GIT2: variants seen among roughly 807,000 people sequenced by gnomAD.
The protein encoded by GIT2 is GIT ArfGAP 2.
A neutral mutation model predicts 100.3 loss-of-function variants in GIT2; 32 were observed. That is an observed-to-expected ratio of 0.32 (90% CI 0.24 to 0.43). The LOEUF is 0.43. Among genes scored for constraint, GIT2 ranks in the 20% least tolerant of loss-of-function variants. GIT2 has a pLI of 1.00. For synonymous variants in GIT2, 353 were observed against 364.1 expected (o/e 0.97, Z 0.35); for missense variants, 737 against 975.1 (o/e 0.76, Z 3.25).
intron 13 of GIT2, 81 bp from the exon 14 acceptor site, chr12:109,951,397 G>A: frequency 8.4e-7 from 1 of 1,192,970 alleles, no homozygotes; most frequent in East Asian, 2.4e-5. Flanking sequence ...TTCAAATTCT[G>A]ACCAAGCCAG....
intron 7 of GIT2, 168 bp downstream of exon 7, chr12:109,980,784 T>C: frequency 1.6e-6 from 1 of 619,910 alleles, no homozygotes; most frequent in Non-Finnish European, 2.9e-6. Context: ...TTATATCTTT[T>C]ACATGTAACT....
Position 109,948,411 on chromosome 12 carries a change from G to A in GIT2, c.1393-907C>T. ...CCCATTTTAGAGACTGTCACTTGGA[G>A]GCCCTGAATGCTCCTTCCATTCCTC... On this transcript the variant is annotated intron_variant, in intron 14 of 19. Transcript: ENST00000355312. This position sits in a 1 kb window ranked among gnomAD's most constrained non-coding sequence, Gnocchi z 4.3. 1.0e-6 allele frequency: 1 copy of A among 1,002,988 alleles called. No homozygotes were observed. Among genetic ancestry groups the A allele is most frequent in the Non-Finnish European group, 1.2e-6 (1 of 841,840 alleles). The allele number at this position is 1,002,988 out of a possible 1,614,324, so 62.1% of individuals were successfully genotyped here.
chr12:109,947,928 G>A lies in GIT2; in HGVS notation c.1393-424C>T, dbSNP rs1737231530. On this transcript the variant is annotated intron_variant, in intron 14 of 19. Coordinates refer to ENST00000355312, the MANE Select transcript of GIT2 (RefSeq NM_057169.5). The surrounding 1 kb of genome is among the most constrained non-coding windows in gnomAD (Gnocchi z 4.3). ...AAATGAGCCCTGAGCAATTTGTAAA[G>A]GCCAAAAATGACAGCAGACACCATG... 5.8e-6 allele frequency: 1 copy of A among 171,778 alleles called. No homozygotes were observed. The highest frequency in any genetic ancestry group is 2.4e-5 in the African/African-American group (1 of 41,750). The allele number at this position is 171,778 out of a possible 1,614,324, so 10.6% of individuals were successfully genotyped here. A position where few individuals can be genotyped will look rare whatever the true frequency, so the allele number is the denominator to read the frequency against.
rs1335719856 is a variant in GIT2 at position 109,989,793 on chromosome 12, T to A, written c.196A>T (p.Thr66Ser). 3.2e-6 allele frequency: 5 copies of A among 1,566,724 alleles called. No individual in the cohort carries two copies. Among genetic ancestry groups the A allele is most frequent in the Non-Finnish European group, 3.5e-6 (4 of 1,137,366 alleles). The change falls in exon 3 of 20, where the codon ACC becomes TCC. Residue 66 changes from threonine to serine, a missense_variant. By Grantham distance (58) the Thr-to-Ser change is moderately conservative (BLOSUM62 1). Around this residue, in one of 3 missense-constraint regions of GIT2, gnomAD observed 266 missense variants for 376.2 expected, o/e 0.71. Transcript: ENST00000355312. ...GAGTTAGCACCGTTATTATACAAGG[T>A]CTCAACCATCTAAAACCAAGCAGGA... ...WPPTLLQMVETLYNNGANSIW... is the reference protein window; with the variant it reads ...WPPTLLQMVESLYNNGANSIW...
rs9804905 is a variant in GIT2 at position 109,959,933 on chromosome 12, T to C, written c.1013A>G (p.Asn338Ser). ...GACCAGCGTGGCAAACTCATGGGCG[T>C]TGAACCGAGCTAACTTCTGTCTGCC... is the stretch of plus-strand genomic sequence containing the variant. ...NQGRQKLARF[N>S]AHEFATLVID... Residue 338 changes from asparagine (N) to serine (S), a missense_variant, in exon 12 of 20, where the codon AAC (asparagine) becomes AGC (serine). Asn to Ser is a conservative substitution (Grantham distance 46). Transcript: ENST00000355312. 6.1e-4 allele frequency: 984 copies of C among 1,613,430 alleles called. 1 individual carries two copies. The highest frequency in any genetic ancestry group is 3.9e-3 in the African/African-American group (289 of 74,982).
Position 109,933,371 on chromosome 12 carries a change from C to T in GIT2, c.2068-181G>A. On this transcript the variant is annotated intron_variant, in intron 19 of 19. Coordinates refer to ENST00000355312, the MANE Select transcript of GIT2 (RefSeq NM_057169.5). This position sits in a 1 kb window ranked among gnomAD's most constrained non-coding sequence, Gnocchi z 4.5. ...TTTGCAGCCCACAGCGTAAGAGATG[C>T]TGAAATATTCTGATTCAAAGGTCAA... 1 of 533,998 alleles carries T rather than the reference C, an allele frequency of 1.9e-6. No individual in the cohort carries two copies. Among genetic ancestry groups the T allele is most frequent in the Non-Finnish European group, 3.3e-6 (1 of 300,630 alleles). The allele number at this position is 533,998 out of a possible 1,614,324, so 33.1% of individuals were successfully genotyped here.
chr12:109,973,854 C>A (rs1460622597), intron 7 of GIT2, among the ~76,000 whole-genome samples: 1 of 151,884 alleles, frequency 6.6e-6, no homozygotes, highest in African/African-American at 2.4e-5. Flanking sequence ...CCAGCCTGGC[C>A]AACATGGTAA....
At chr12:109,991,156 A>C (rs1888285670) in intron 2 of GIT2, among the ~76,000 whole-genome samples, 1 of 152,118 alleles carries the variant, frequency 6.6e-6, no homozygotes, top group African/African-American at 2.4e-5. Context: ...CTAAAAATAC[A>C]AAAATTAGCC....
intron 8 of GIT2, 147 bp downstream of exon 8, chr12:109,967,311 T>C: frequency 6.3e-7 from 1 of 1,595,832 alleles, no homozygotes. Context: ...GTGGTTTACT[T>C]ACAGCCGTCT....
intron 7 of GIT2, among the ~76,000 whole-genome samples, chr12:109,974,772 C>T (rs1884683863): frequency 6.6e-6 from 1 of 152,158 alleles, no homozygotes; most frequent in Admixed American, 6.6e-5. Flanking sequence ...TAAACATCAA[C>T]TAGATCTAGT....
Position 109,933,182 on chromosome 12 carries a change from C to G in GIT2, c.2076G>C (p.Lys692Asn). The part of the protein sequence containing the change: ...EMAALFPKKP[K>N]SDMVRTSLRL... ...GAAGGGAAGTCCTCACCATATCAGA[C>G]TTGGGTTTCTAAAAGGAAAAAGACA... Residue 692 changes from lysine to asparagine, a missense_variant, in exon 20 of 20, where the codon AAG (lysine) becomes AAC (asparagine). By Grantham distance (94) the Lys-to-Asn change is moderately conservative (BLOSUM62 0). This residue lies in a region of GIT2 where 451 missense variants were observed against 543.7 expected (regional missense o/e 0.83). Coordinates refer to ENST00000355312, the MANE Select transcript of GIT2 (RefSeq NM_057169.5). This position sits in a 1 kb window ranked among gnomAD's most constrained non-coding sequence, Gnocchi z 4.5. 1 of 1,549,306 alleles carries G rather than the reference C, an allele frequency of 6.5e-7. No homozygotes were observed. Among genetic ancestry groups the G allele is most frequent in the Non-Finnish European group, 8.8e-7 (1 of 1,142,172 alleles).
At chr12:109,961,843 G>A (rs1428841356) in intron 9 of GIT2, among the ~76,000 whole-genome samples, 158 bp from the exon 10 acceptor site, 2 of 152,142 alleles carry the variant, frequency 1.3e-5, no homozygotes, top group African/African-American at 2.4e-5. Context: ...TTTCAAAATC[G>A]TACAGGGCCT....
intron 14 of GIT2, 87 bp downstream of exon 14, chr12:109,951,080 T>A: frequency 8.6e-7 from 1 of 1,158,410 alleles, no homozygotes; most frequent in Non-Finnish European, 1.3e-6. Flanking sequence ...TGTTTTTCTT[T>A]CCTCGGACCA....
At chr12:109,938,647 C>T in intron 17 of GIT2, 79 bp from the exon 18 acceptor site, 1 of 1,005,280 alleles carries the variant, frequency 9.9e-7, no homozygotes. Context: ...ACTTTGTATG[C>T]ACTGGCTAAA....
Position 109,981,037 on chromosome 12 carries a change from C to A in GIT2, c.633G>T (p.Gly211=). Reference sequence around the variant, plus strand: ...CGAGGCGCTCTGCCAGCTCATGGTGCCCTCCTTGCCTACCAAGAGAAAACA... The same window carrying A: ...CGAGGCGCTCTGCCAGCTCATGGTGACCTCCTTGCCTACCAAGAGAAAACA... ...KTPVDYARQG[G]HHELAERLVE... Residue 211 remains glycine, a synonymous_variant, in exon 7 of 20, where the codon GGG becomes GGT. Transcript: ENST00000355312. 6.2e-7 allele frequency: 1 copy of A among 1,604,606 alleles called. No individual in the cohort carries two copies. The highest frequency in any genetic ancestry group is 8.5e-7 in the Non-Finnish European group (1 of 1,171,278).
chr12:109,945,311 C>CA lies in GIT2; in HGVS notation c.1679dup (p.Pro561AlafsTer29). ...AGGAAAGTGTGGAGGGGAAGGAAGG[C>CA]AGAGATGAAGAGGAGGTCACAAGTG... On this transcript the variant is annotated frameshift_variant, in exon 16 of 20. Coordinates refer to ENST00000355312, the MANE Select transcript of GIT2 (RefSeq NM_057169.5). LOFTEE classifies it high-confidence loss of function. The CA allele has an allele frequency of 6.3e-7, 1 of 1,588,158 alleles. No individual in the cohort carries two copies. Among genetic ancestry groups the CA allele is most frequent in the Admixed American group, 1.7e-5 (1 of 59,896 alleles).
rs1174508867 is a variant in GIT2 at position 109,933,193 on chromosome 12, A to G, written c.2068-3T>C. On this transcript the variant is annotated splice_region_variant and splice_polypyrimidine_tract_variant and intron_variant, in intron 19 of 19. Coordinates refer to ENST00000355312, the MANE Select transcript of GIT2 (RefSeq NM_057169.5). The surrounding 1 kb of genome is among the most constrained non-coding windows in gnomAD (Gnocchi z 4.5). ...CTCACCATATCAGACTTGGGTTTCT[A>G]AAAGGAAAAAGACAGCCGTTTACCC... 5.9e-6 allele frequency: 9 copies of G among 1,518,596 alleles called. No homozygotes were observed. In the African/African-American group the frequency reaches 1.1e-4, roughly 19 times the overall value. 94.1% of individuals were successfully genotyped at this position (1,518,596 alleles called of 1,614,324 possible).
intron 14 of GIT2, chr12:109,949,049 T>G: frequency 2.9e-5 from 17 of 578,326 alleles, no homozygotes; most frequent in Non-Finnish European, 4.8e-5. Flanking sequence ...TCTGTTTCTC[T>G]GAAGAGCAAG....
intron 8 of GIT2, 39 bp from the exon 9 acceptor site, chr12:109,965,616 GC>G: frequency 7.7e-7 from 1 of 1,302,440 alleles, no homozygotes; most frequent in Non-Finnish European, 1.1e-6. Flanking sequence ...AATAAATAAA[GC>G]CAGACTTGTG....
Sources: gnomAD v4.1 joint callset for allele counts (sites outside exome capture counted in the v4.1 genomes callset) on GRCh38, gnomAD v4.1.1 for gene constraint, gnomAD v4.1.1 regional missense constraint, Gnocchi (gnomAD v3.1) non-coding constraint, MANE v1.5 for transcripts, NCBI Gene and HGNC (gene_info 2026-07-23, HGNC 2026-07-21) for gene names.